Variants in DIS3L2 observed in about 807,000 individuals in gnomAD.
DIS3L2 encodes the protein DIS3 like 3'-5' exoribonuclease 2, also known as DIS3-like exonuclease 2.
Under a neutral mutation model 97.5 loss-of-function variants are expected in DIS3L2, and 34 were observed. The ratio of observed to expected loss-of-function variants is 0.35; its 90% CI spans 0.27 to 0.46. DIS3L2 has a LOEUF of 0.46. Among genes scored for constraint, DIS3L2 ranks in the 20% least tolerant of loss-of-function variants. The pLI, the probability that DIS3L2 is intolerant of heterozygous loss-of-function variation, is 1.00. For missense variants in DIS3L2, 1,038 were observed against 1,146.0 expected (o/e 0.91, Z 1.36); for synonymous variants, 435 against 445.2 (o/e 0.98, Z 0.29).
At chr2:232,330,508 T>C (rs1435660854) in intron 15 of DIS3L2, among the ~76,000 whole-genome samples, 182 bp from the exon 16 acceptor site, 1 of 152,078 alleles carries the variant, frequency 6.6e-6, no homozygotes, top group East Asian at 1.9e-4. Flanking sequence ...AACATGGAAG[T>C]GTGGGCCACA....
intron 9 of DIS3L2, among the ~76,000 whole-genome samples, chr2:232,166,416 C>A (rs1181180169): frequency 6.6e-6 from 1 of 152,174 alleles, no homozygotes; most frequent in Non-Finnish European, 1.5e-5. Flanking sequence ...CATGAAGTAA[C>A]AAGGATTTTT....
At chr2:232,202,252 G>A (rs537766236) in intron 9 of DIS3L2, among the ~76,000 whole-genome samples, 3 of 152,300 alleles carry the variant, frequency 2.0e-5, no homozygotes, top group Non-Finnish European at 4.4e-5. Context: ...GCAAAAATTA[G>A]CTGAGTGTGG....
intron 13 of DIS3L2, among the ~76,000 whole-genome samples, chr2:232,284,668 G>A (rs1559192300): frequency 6.6e-6 from 1 of 152,166 alleles, no homozygotes; most frequent in Non-Finnish European, 1.5e-5. Context: ...TTTGCCCCGG[G>A]AGAGCTAAAG....
intron 5 of DIS3L2, among the ~76,000 whole-genome samples, chr2:232,040,009 T>A (rs1695064881): frequency 6.6e-6 from 1 of 152,164 alleles, no homozygotes. Context: ...CTTAAGGAGT[T>A]CATAGGCTGG....
chr2:231,994,382 A>G (rs956379894), intron 1 of DIS3L2, among the ~76,000 whole-genome samples: 4 of 152,120 alleles, frequency 2.6e-5, no homozygotes, highest in African/African-American at 9.7e-5. Flanking sequence ...ATTTCTATAT[A>G]AAATTTAAGA....
chr2:232,112,643 A>G (rs1697573868), intron 6 of DIS3L2, among the ~76,000 whole-genome samples: 2 of 152,112 alleles, frequency 1.3e-5, no homozygotes, highest in Non-Finnish European at 2.9e-5. Flanking sequence ...ATTTTTCTTC[A>G]TGGCTTGAGA....
chr2:232,043,554 A>G (rs1574833302), intron 5 of DIS3L2, among the ~76,000 whole-genome samples: 1 of 152,332 alleles, frequency 6.6e-6, no homozygotes, highest in East Asian at 1.9e-4. Flanking sequence ...AAGCTTCAAT[A>G]TTGCTTACTA....
chr2:231,967,546 A>G (rs1349490887), intron 1 of DIS3L2, among the ~76,000 whole-genome samples: 1 of 152,230 alleles, frequency 6.6e-6, no homozygotes, highest in Non-Finnish European at 1.5e-5. Flanking sequence ...CAGTTATACC[A>G]AGAAGGAGCT....
chr2:232,311,806 A>G (rs1332495528), intron 14 of DIS3L2, among the ~76,000 whole-genome samples: 1 of 152,118 alleles, frequency 6.6e-6, no homozygotes, highest in Non-Finnish European at 1.5e-5. Context: ...CCATTCATCA[A>G]TTTATCCAAT....
At chr2:232,181,947 C>T (rs769306286) in intron 9 of DIS3L2, among the ~76,000 whole-genome samples, 13 of 152,030 alleles carry the variant, frequency 8.6e-5, no homozygotes, top group African/African-American at 2.7e-4. Context: ...CCACCGTGCC[C>T]GGGCGCCTGG....
At chr2:232,074,350 T>G (rs534563155) in intron 5 of DIS3L2, among the ~76,000 whole-genome samples, 1 of 152,310 alleles carries the variant, frequency 6.6e-6, no homozygotes, top group East Asian at 1.9e-4. Context: ...TAGTATTTAT[T>G]TCTCACTATT....
intron 5 of DIS3L2, among the ~76,000 whole-genome samples, chr2:232,042,506 G>C (rs1695136799): frequency 1.3e-5 from 2 of 152,140 alleles, no homozygotes; most frequent in South Asian, 4.1e-4. Context: ...AAGATCTTCG[G>C]AGCCTCCATC....
intron 8 of DIS3L2, among the ~76,000 whole-genome samples, chr2:232,138,176 T>C (rs986858302): frequency 6.6e-6 from 1 of 152,204 alleles, no homozygotes; most frequent in African/African-American, 2.4e-5. Flanking sequence ...CATGGCCTTA[T>C]AGGTATTTTT....
chr2:231,976,260 C>T (rs1693088623), intron 1 of DIS3L2, among the ~76,000 whole-genome samples: 2 of 152,026 alleles, frequency 1.3e-5, no homozygotes, highest in African/African-American at 4.8e-5. Context: ...TTTAAAATTT[C>T]CTTTAATTCC....
At chr2:232,105,362 T>G (rs970547438) in intron 6 of DIS3L2, among the ~76,000 whole-genome samples, 4 of 152,204 alleles carry the variant, frequency 2.6e-5, no homozygotes, top group Non-Finnish European at 4.4e-5. Flanking sequence ...TATTAAATAC[T>G]TGGTTATTAG....
chr2:232,279,660 C>G (rs1363467670), intron 13 of DIS3L2, among the ~76,000 whole-genome samples: 1 of 152,104 alleles, frequency 6.6e-6, no homozygotes, highest in Non-Finnish European at 1.5e-5. Flanking sequence ...TCCCAAGTAG[C>G]TGGGATTACA....
chr2:232,225,600 T>C (rs143875789), intron 10 of DIS3L2, among the ~76,000 whole-genome samples: 13 of 152,314 alleles, frequency 8.5e-5, no homozygotes, highest in African/African-American at 3.1e-4. Context: ...TGAGAAAAGC[T>C]TCTGGAATTC....
At chr2:232,309,768 G>A (rs186226153) in intron 14 of DIS3L2, among the ~76,000 whole-genome samples, 100 of 152,342 alleles carry the variant, frequency 6.6e-4, no homozygotes, top group South Asian at 5.4e-3. Context: ...CCCTGGAGGC[G>A]TGCTCACAGG....
chr2:232,147,533 A>G (rs773042170), intron 8 of DIS3L2, among the ~76,000 whole-genome samples: 2 of 152,148 alleles, frequency 1.3e-5, no homozygotes, highest in Admixed American at 6.5e-5. Flanking sequence ...GAGAGCTTCT[A>G]AGTTATTTTT....
Sources: allele counts gnomAD v4.1 joint callset (sites outside exome capture counted in the v4.1 genomes callset), GRCh38; gene constraint gnomAD v4.1.1; transcripts MANE v1.5; gene names NCBI Gene and HGNC (gene_info 2026-07-23, HGNC 2026-07-21).